MACROD2: variants seen among roughly 807,000 people sequenced by gnomAD.
MACROD2 encodes ADP-ribose glycohydrolase MACROD2.
In MACROD2, 36 loss-of-function variants were observed where a neutral mutation model predicts 70.4. The observed-to-expected ratio is 0.51, with a 90% CI of 0.39 to 0.68. The LOEUF is 0.68. MACROD2 is among the 30% of genes least tolerant of loss of function. The pLI is 0.00. For synonymous variants in MACROD2, 172 were observed against 178.8 expected (o/e 0.96, Z 0.30); for missense variants, 496 against 538.4 (o/e 0.92, Z 0.78).
intron 11 of MACROD2, among the ~76,000 whole-genome samples, chr20:15,935,269 G>A (rs1281143420): frequency 2.0e-5 from 3 of 152,166 alleles, no homozygotes; most frequent in East Asian, 3.9e-4. Flanking sequence ...ACTTCTCAAT[G>A]TGAAGAAGGG....
intron 5 of MACROD2, among the ~76,000 whole-genome samples, chr20:14,868,349 G>T (rs1481084924): frequency 6.6e-6 from 1 of 151,726 alleles, no homozygotes; most frequent in Non-Finnish European, 1.5e-5. Context: ...CACCACACCT[G>T]GCTAATGTTT....
intron 5 of MACROD2, among the ~76,000 whole-genome samples, chr20:14,883,597 T>TA (rs11087111): frequency 0.9 from 134,394 of 149,560 alleles, 60,525 homozygotes; most frequent in East Asian, 0.98. Flanking sequence ...CTGACTCACT[T>TA]AAAAAAAAAA....
intron 4 of MACROD2, among the ~76,000 whole-genome samples, chr20:14,674,595 T>G (rs1230621877): frequency 6.6e-6 from 1 of 152,172 alleles, no homozygotes; most frequent in Non-Finnish European, 1.5e-5. Flanking sequence ...GTCTGACACC[T>G]TAACCATCCT....
chr20:15,254,514 C>A (rs2077182062), intron 6 of MACROD2, among the ~76,000 whole-genome samples: 1 of 152,066 alleles, frequency 6.6e-6, no homozygotes, highest in African/African-American at 2.4e-5. Flanking sequence ...CTGGGAGCCC[C>A]ACTTTTCTCA....
At chr20:15,234,009 A>ATATTTTTTTTTTTTTTTTTT (rs1555795277) in intron 6 of MACROD2, among the ~76,000 whole-genome samples, 1 of 39,998 alleles carries the variant, frequency 2.5e-5, no homozygotes, top group East Asian at 9.8e-4. Context: ...ATATATATAT[A>ATATTTTTTTTTTTTTTTTTT]TTCTTTTTTT....
At chr20:14,625,569 A>G (rs562452726) in intron 4 of MACROD2, among the ~76,000 whole-genome samples, 1 of 152,286 alleles carries the variant, frequency 6.6e-6, no homozygotes, top group East Asian at 1.9e-4. Context: ...GGTGAAAAAG[A>G]CAGAGTCCAT....
chr20:14,946,759 A>C (rs1600858976), intron 5 of MACROD2, among the ~76,000 whole-genome samples: 1 of 152,140 alleles, frequency 6.6e-6, no homozygotes, highest in East Asian at 1.9e-4. Flanking sequence ...CACCTAGCAC[A>C]CTCCAAGTAG....
At chr20:15,745,054 T>A (rs1240786247) in intron 8 of MACROD2, among the ~76,000 whole-genome samples, 1 of 152,222 alleles carries the variant, frequency 6.6e-6, no homozygotes, top group Non-Finnish European at 1.5e-5. Context: ...ACGTTTAAGT[T>A]TATGGTGGTA....
intron 5 of MACROD2, among the ~76,000 whole-genome samples, chr20:15,215,320 C>CT (rs932423189): frequency 8.1e-6 from 1 of 122,706 alleles, no homozygotes; most frequent in East Asian, 2.6e-4. Flanking sequence ...GAAGCATATG[C>CT]TTTTTTATCA....
chr20:14,416,523 G>C (rs566017979), intron 3 of MACROD2, among the ~76,000 whole-genome samples: 1 of 152,242 alleles, frequency 6.6e-6, no homozygotes, highest in Non-Finnish European at 1.5e-5. Flanking sequence ...ATGAAAATAA[G>C]GGATGAAACC....
chr20:15,636,909 G>A (rs935603045), intron 8 of MACROD2, among the ~76,000 whole-genome samples: 1 of 152,188 alleles, frequency 6.6e-6, no homozygotes, highest in Non-Finnish European at 1.5e-5. Flanking sequence ...GGAAGTTACA[G>A]AGAGGTAAGA....
At chr20:14,512,293 A>G (rs1237780434) in intron 4 of MACROD2, among the ~76,000 whole-genome samples, 2 of 151,394 alleles carry the variant, frequency 1.3e-5, no homozygotes, top group Non-Finnish European at 2.9e-5. Context: ...AGCATTCCCC[A>G]TCTGTCATCT....
chr20:14,238,894 G>T (rs1398883431), intron 3 of MACROD2, among the ~76,000 whole-genome samples: 1 of 152,048 alleles, frequency 6.6e-6, no homozygotes, highest in Non-Finnish European at 1.5e-5. Flanking sequence ...AGACACAGTG[G>T]CATGAACCTG....
chr20:15,468,337 T>A (rs1360879576), intron 7 of MACROD2, among the ~76,000 whole-genome samples: 2 of 151,934 alleles, frequency 1.3e-5, no homozygotes, highest in Non-Finnish European at 2.9e-5. Flanking sequence ...TTTCAGTTAG[T>A]GGGAAGAAAT....
chr20:15,329,034 A>C (rs2077963227), intron 6 of MACROD2, among the ~76,000 whole-genome samples: 1 of 152,152 alleles, frequency 6.6e-6, no homozygotes, highest in South Asian at 2.1e-4. Flanking sequence ...TAATTATTGG[A>C]AAATTCTTAT....
chr20:15,720,645 T>C (rs926275980), intron 8 of MACROD2, among the ~76,000 whole-genome samples: 3 of 152,184 alleles, frequency 2.0e-5, no homozygotes, highest in Non-Finnish European at 4.4e-5. Flanking sequence ...CAACTATTTT[T>C]GCTTTGAATC....
intron 4 of MACROD2, 129 bp from the exon 5 acceptor site, chr20:14,684,714 T>A: frequency 1.8e-6 from 1 of 556,888 alleles, no homozygotes; most frequent in Non-Finnish European, 3.2e-6. Context: ...TTGGACACCC[T>A]GGGTTTTCTT....
At chr20:15,429,683 T>C (rs996210882) in intron 6 of MACROD2, among the ~76,000 whole-genome samples, 1 of 152,268 alleles carries the variant, frequency 6.6e-6, no homozygotes, top group Non-Finnish European at 1.5e-5. Flanking sequence ...TGTTAGTTAT[T>C]ATGGTCCATA....
At chr20:15,901,252 T>C (rs562742464) in intron 10 of MACROD2, among the ~76,000 whole-genome samples, 1 of 152,286 alleles carries the variant, frequency 6.6e-6, no homozygotes, top group East Asian at 1.9e-4. Flanking sequence ...TTCATCTTCC[T>C]GATCTCTATT....
Sources: allele counts gnomAD v4.1 joint callset (sites outside exome capture counted in the v4.1 genomes callset), GRCh38; gene constraint gnomAD v4.1.1; transcripts MANE v1.5; gene names NCBI Gene and HGNC (gene_info 2026-07-23, HGNC 2026-07-21).